The following GLIS3 variants were observed in gnomAD, a reference collection of about 807,000 sequenced individuals.
GLIS3 encodes zinc finger protein GLIS3.
A neutral mutation model predicts 78.6 loss-of-function variants in GLIS3; 53 were observed. That is an observed-to-expected ratio of 0.67 (90% CI 0.54 to 0.85). The LOEUF is 0.85. GLIS3 is among the 40% of genes least tolerant of loss of function. The pLI, the probability that GLIS3 is intolerant of heterozygous loss-of-function variation, is 0.00. For missense variants in GLIS3, 1,703 were observed against 1,231.1 expected, an observed-to-expected ratio of 1.38 and a Z score of -5.74; for synonymous variants, 684 against 509.9, an observed-to-expected ratio of 1.34 and a Z score of -4.60.
intron 2 of GLIS3, among the ~76,000 whole-genome samples, chr9:4,340,273 A>G (rs1338600482): frequency 7.1e-6 from 1 of 141,112 alleles, no homozygotes; most frequent in African/African-American, 2.7e-5. Context: ...ATAGAAGTTT[A>G]GGAATTACAA....
At chr9:3,969,023 G>A (rs962700564) in intron 4 of GLIS3, among the ~76,000 whole-genome samples, 1 of 152,180 alleles carries the variant, frequency 6.6e-6, no homozygotes, top group Non-Finnish European at 1.5e-5. Context: ...TTGTGTCACA[G>A]AAGCAATTGT....
chr9:3,888,272 T>G (rs1363656681), intron 7 of GLIS3, among the ~76,000 whole-genome samples: 1 of 152,146 alleles, frequency 6.6e-6, no homozygotes, highest in Non-Finnish European at 1.5e-5. Context: ...GTTCCCAATC[T>G]CCTCATTACT....
intron 7 of GLIS3, among the ~76,000 whole-genome samples, chr9:3,880,363 T>G (rs1423245388): frequency 2.0e-5 from 3 of 152,116 alleles, no homozygotes; most frequent in Non-Finnish European, 2.9e-5. Context: ...ATCAGCTAAT[T>G]GGTACGATGT....
At chr9:3,988,124 G>A (rs185147962) in intron 4 of GLIS3, among the ~76,000 whole-genome samples, 74 of 152,034 alleles carry the variant, frequency 4.9e-4, no homozygotes, top group Non-Finnish European at 9.3e-4. Context: ...AGAATCAAGC[G>A]GTTTCAAGTG....
chr9:4,054,105 G>A (rs932534347), intron 4 of GLIS3, among the ~76,000 whole-genome samples: 2 of 152,160 alleles, frequency 1.3e-5, no homozygotes, highest in African/African-American at 2.4e-5. Flanking sequence ...TAACTCCTTC[G>A]AAGATGAAGA....
intron 8 of GLIS3, among the ~76,000 whole-genome samples, chr9:3,870,458 G>C (rs555326491): frequency 6.6e-6 from 1 of 152,076 alleles, no homozygotes; most frequent in Non-Finnish European, 1.5e-5. Context: ...TGTTAAAGAC[G>C]TACCTGAGAC....
At chr9:4,427,863 AAAG>A in the GLIS3 span, among the ~76,000 whole-genome samples, 48 of 152,218 alleles carry the variant, frequency 3.2e-4, no homozygotes, top group African/African-American at 9.4e-4. Flanking sequence ...CATTAAAAAA[AAAG>A]AAGAAGAACA....
intron 1 of GLIS3, among the ~76,000 whole-genome samples, chr9:4,294,237 G>C: frequency 6.6e-6 from 1 of 152,174 alleles, no homozygotes. Flanking sequence ...GGCCAGGTGC[G>C]GTGGCTCACG....
intron 2 of GLIS3, among the ~76,000 whole-genome samples, chr9:4,162,683 C>T (rs950230776): frequency 6.6e-6 from 1 of 151,820 alleles, no homozygotes; most frequent in African/African-American, 2.4e-5. Context: ...GGTGAAATCC[C>T]ATCTCTATTA....
chr9:3,867,006 GAAGA>G (rs897146204), intron 8 of GLIS3, among the ~76,000 whole-genome samples: 1 of 152,180 alleles, frequency 6.6e-6, no homozygotes, highest in African/African-American at 2.4e-5. Flanking sequence ...AATGTATTTT[GAAGA>G]TAGAGCCAAC....
At chr9:4,473,787 A>C in the GLIS3 span, among the ~76,000 whole-genome samples, 2 of 152,178 alleles carry the variant, frequency 1.3e-5, no homozygotes, top group African/African-American at 4.8e-5. Context: ...TTAAAAGTTA[A>C]ATAAAAATAA....
chr9:4,016,971 C>G (rs568492981), intron 4 of GLIS3, among the ~76,000 whole-genome samples: 2 of 152,186 alleles, frequency 1.3e-5, no homozygotes, highest in African/African-American at 4.8e-5. Flanking sequence ...GCCGAACAAT[C>G]ACATTGCAAA....
At chr9:3,967,656 G>T (rs1818055178) in intron 4 of GLIS3, among the ~76,000 whole-genome samples, 1 of 152,184 alleles carries the variant, frequency 6.6e-6, no homozygotes, top group South Asian at 2.1e-4. Flanking sequence ...AGACTGTGAT[G>T]CAGCTATCAA....
At chr9:4,202,424 CAAAAAATAAA>C (rs1186970395) in intron 2 of GLIS3, among the ~76,000 whole-genome samples, 14 of 69,924 alleles carry the variant, frequency 2.0e-4, no homozygotes, top group Non-Finnish European at 8.5e-5. Flanking sequence ...GACTCAGTCT[CAAAAAATAAA>C]ATAAAATAAA....
chr9:3,941,922 G>A (rs928258674), intron 4 of GLIS3, among the ~76,000 whole-genome samples: 41 of 152,112 alleles, frequency 2.7e-4, no homozygotes, highest in African/African-American at 9.9e-4. Flanking sequence ...GATTACGATT[G>A]TTGACATTAA....
At chr9:4,355,746 C>G in the GLIS3 span, among the ~76,000 whole-genome samples, 1 of 152,188 alleles carries the variant, frequency 6.6e-6, no homozygotes, top group Non-Finnish European at 1.5e-5. Context: ...AGCCTATACA[C>G]CCTGTTTCCA....
chr9:4,050,570 C>G (rs903909303), intron 4 of GLIS3, among the ~76,000 whole-genome samples: 1 of 152,014 alleles, frequency 6.6e-6, no homozygotes, highest in Non-Finnish European at 1.5e-5. Context: ...AGCTTGTGCA[C>G]ATGTACTCTA....
chr9:4,366,665 C>T, the GLIS3 span, among the ~76,000 whole-genome samples: 4 of 152,204 alleles, frequency 2.6e-5, no homozygotes, highest in Admixed American at 6.5e-5. Context: ...ATTGCGATGG[C>T]GACGAGGAGA....
the GLIS3 span, among the ~76,000 whole-genome samples, chr9:4,401,270 GTTT>G: frequency 6.6e-6 from 1 of 152,034 alleles, no homozygotes; most frequent in Non-Finnish European, 1.5e-5. Flanking sequence ...GTTTGTTTTT[GTTT>G]TTTGAGACAG....
Sources: gnomAD v4.1 joint callset for allele counts (sites outside exome capture counted in the v4.1 genomes callset) on GRCh38, gnomAD v4.1.1 for gene constraint, MANE v1.5 for transcripts, NCBI Gene and HGNC (gene_info 2026-07-23, HGNC 2026-07-21) for gene names.